Variants in LINGO2 observed in about 807,000 individuals in gnomAD.
LINGO2 encodes leucine-rich repeat and immunoglobulin-like domain-containing nogo receptor-interacting protein 2.
Under a neutral mutation model 30.6 loss-of-function variants are expected in LINGO2, and 14 were observed. That is an observed-to-expected ratio of 0.46 (90% confidence interval 0.30 to 0.72). The LOEUF is 0.72. LINGO2 is among the 30% of genes least tolerant of loss of function. LINGO2 has a pLI of 0.07. For missense variants in LINGO2, 729 were observed against 751.7 expected (o/e 0.97, Z 0.35); for synonymous variants, 317 against 288.5 (o/e 1.10, Z -1.00).
intron 2 of LINGO2, among the ~76,000 whole-genome samples, chr9:28,403,894 A>C (rs768287434): frequency 3.9e-5 from 6 of 152,120 alleles, no homozygotes; most frequent in Admixed American, 6.6e-5. Context: ...AAATGGAATT[A>C]AATCCTTTTT....
the LINGO2 span, among the ~76,000 whole-genome samples, chr9:28,902,007 T>C: frequency 6.2e-3 from 945 of 152,158 alleles, 9 homozygotes; most frequent in African/African-American, 0.022. Context: ...CCCAGCAATA[T>C]AGTGAGATAC....
At chr9:28,841,570 A>G in the LINGO2 span, among the ~76,000 whole-genome samples, 1 of 151,842 alleles carries the variant, frequency 6.6e-6, no homozygotes, top group Non-Finnish European at 1.5e-5. Context: ...GACAATAAAC[A>G]AGCAATTAAA....
the LINGO2 span, among the ~76,000 whole-genome samples, chr9:28,695,227 C>A: frequency 1.3e-5 from 2 of 151,854 alleles, no homozygotes; most frequent in South Asian, 2.1e-4. Context: ...TTAGTATATT[C>A]ATTCCAATTT....
At chr9:28,512,307 AGAG>A (rs1297712144) in intron 1 of LINGO2, among the ~76,000 whole-genome samples, 3 of 151,836 alleles carry the variant, frequency 2.0e-5, no homozygotes, top group African/African-American at 7.3e-5. Context: ...TCTCAAAAGG[AGAG>A]TAGTTATCTG....
At chr9:27,959,105 T>C (rs886741497) in intron 5 of LINGO2, among the ~76,000 whole-genome samples, 4 of 152,158 alleles carry the variant, frequency 2.6e-5, no homozygotes, top group African/African-American at 9.6e-5. Context: ...ATTCTTCTAA[T>C]GTCTGAAAAT....
At chr9:28,647,879 CT>C (rs5897314) in intron 1 of LINGO2, among the ~76,000 whole-genome samples, 20,479 of 145,478 alleles carry the variant, frequency 0.14, 1,966 homozygotes, top group African/African-American at 0.27. Context: ...GATGATATTT[CT>C]TTTTCTTTCT....
chr9:28,878,697 TA>T, the LINGO2 span, among the ~76,000 whole-genome samples: 2 of 152,262 alleles, frequency 1.3e-5, no homozygotes, highest in Admixed American at 1.3e-4. Flanking sequence ...CGCAAATCAA[TA>T]AATGTAATCC....
At chr9:28,264,236 A>G (rs1029851060) in intron 4 of LINGO2, among the ~76,000 whole-genome samples, 1 of 151,974 alleles carries the variant, frequency 6.6e-6, no homozygotes, top group Non-Finnish European at 1.5e-5. Flanking sequence ...TACGCCCTCT[A>G]TTAAACAGAA....
the LINGO2 span, among the ~76,000 whole-genome samples, chr9:28,789,625 G>A: frequency 2.0e-5 from 3 of 151,880 alleles, no homozygotes; most frequent in African/African-American, 7.3e-5. Flanking sequence ...TTTACACCAT[G>A]GTTAATTTAG....
At chr9:28,117,948 G>T in intron 4 of LINGO2, among the ~76,000 whole-genome samples, 1 of 152,340 alleles carries the variant, frequency 6.6e-6, no homozygotes, top group East Asian at 1.9e-4. Flanking sequence ...AAGTGTAAAA[G>T]AGTCCAGAGA....
the LINGO2 span, among the ~76,000 whole-genome samples, chr9:29,106,042 G>C: frequency 6.6e-6 from 1 of 152,068 alleles, no homozygotes; most frequent in African/African-American, 2.4e-5. Context: ...CAGAACCATG[G>C]GAAATGTGAG....
chr9:28,565,995 C>G (rs1420249363), intron 1 of LINGO2, among the ~76,000 whole-genome samples: 1 of 152,034 alleles, frequency 6.6e-6, no homozygotes, highest in African/African-American at 2.4e-5. Context: ...AACATATAAT[C>G]CACCATTTTG....
the LINGO2 span, among the ~76,000 whole-genome samples, chr9:29,036,219 T>G: frequency 6.6e-6 from 1 of 152,112 alleles, no homozygotes; most frequent in African/African-American, 2.4e-5. Flanking sequence ...TTGAGCATTT[T>G]ATATTCAGCC....
the LINGO2 span, among the ~76,000 whole-genome samples, chr9:28,889,299 G>C: frequency 6.6e-6 from 1 of 152,088 alleles, no homozygotes; most frequent in African/African-American, 2.4e-5. Flanking sequence ...ATGAGAGGCA[G>C]TGGTATTTAA....
At chr9:27,974,465 T>C (rs1310177000) in intron 5 of LINGO2, among the ~76,000 whole-genome samples, 2 of 152,090 alleles carry the variant, frequency 1.3e-5, no homozygotes, top group East Asian at 3.9e-4. Context: ...AGAGTCACCT[T>C]CCTATTGAGT....
At chr9:29,003,207 A>G in the LINGO2 span, among the ~76,000 whole-genome samples, 1 of 152,036 alleles carries the variant, frequency 6.6e-6, no homozygotes, top group Non-Finnish European at 1.5e-5. Context: ...AGAACTGTGC[A>G]ATAACAAATC....
chr9:28,111,225 C>A (rs1425321349), intron 4 of LINGO2, among the ~76,000 whole-genome samples: 2 of 151,858 alleles, frequency 1.3e-5, no homozygotes, highest in East Asian at 1.9e-4. Flanking sequence ...ATCACACACC[C>A]GGGCCTATCG....
chr9:29,012,105 C>A, the LINGO2 span, among the ~76,000 whole-genome samples: 1 of 152,074 alleles, frequency 6.6e-6, no homozygotes. Flanking sequence ...CGTCTGTAAT[C>A]CCAGTACTTT....
the LINGO2 span, among the ~76,000 whole-genome samples, chr9:28,745,230 A>C: frequency 2.1e-4 from 32 of 152,156 alleles, no homozygotes; most frequent in East Asian, 5.8e-3. Context: ...CCTGAGTCAG[A>C]GTACTTATTA....
Sources: allele counts gnomAD v4.1 joint callset (sites outside exome capture counted in the v4.1 genomes callset), GRCh38; gene constraint gnomAD v4.1.1; transcripts MANE v1.5; gene names NCBI Gene and HGNC (gene_info 2026-07-23, HGNC 2026-07-21).